Variants in CCR4 observed in about 807,000 individuals in gnomAD.
CCR4 encodes the protein C-C chemokine receptor type 4.
CCR4 carries 9 observed loss-of-function variants against 17.1 expected under a neutral mutation model. That is an observed-to-expected ratio of 0.53 (90% CI 0.32 to 0.92). The LOEUF (loss-of-function observed/expected upper bound fraction) is 0.92. Ranked by LOEUF, CCR4 falls within the 40% of genes least tolerant of loss-of-function variation. The probability of loss-of-function intolerance (pLI) is 0.04; values close to 1 mark genes in which losing one functional copy is unlikely to be tolerated. For synonymous variants in CCR4, 217 were observed against 174.3 expected, an observed-to-expected ratio of 1.24 and a Z score of -1.93; for missense variants, 385 against 433.9, an observed-to-expected ratio of 0.89 and a Z score of 1.00.
intron 1 of CCR4, among the ~76,000 whole-genome samples, chr3:32,952,440 G>T (rs571820823): frequency 6.6e-6 from 1 of 152,172 alleles, no homozygotes; most frequent in African/African-American, 2.4e-5. Flanking sequence ...ACAATTTTTT[G>T]TAGAGACAGG....
intron 1 of CCR4, among the ~76,000 whole-genome samples, chr3:32,952,175 G>A (rs1273133111): frequency 6.6e-6 from 1 of 152,174 alleles, no homozygotes; most frequent in Non-Finnish European, 1.5e-5. Context: ...ACTCTGTGAT[G>A]TAACAGGTGT....
chr3:32,953,790 G>A lies in CCR4; in HGVS notation c.368G>A (p.Ser123Asn). ...ISWMYLVGFY[S>N]GIFFVMLMSI... ...TGGATGTACTTGGTGGGCTTTTACA[G>A]TGGCATATTCTTTGTCATGCTCATG... The change falls in exon 2 of 2, where the codon AGT (serine) becomes AAT (asparagine). Residue 123 changes from serine to asparagine, a missense_variant. Coordinates refer to ENST00000330953, the MANE Select transcript of CCR4 (RefSeq NM_005508.5). 1 of 1,614,112 alleles carries A rather than the reference G, an allele frequency of 6.2e-7. No individual in the cohort carries two copies. Among genetic ancestry groups the A allele is most frequent in the Non-Finnish European group, 8.5e-7 (1 of 1,180,032 alleles).
rs773249231 is a variant in CCR4, at chr3:32,954,133, G to C, written c.711G>C (p.Lys237Asn). The C allele has an allele frequency of 1.6e-5, 26 of 1,614,130 alleles. No homozygotes were observed. The highest frequency in any genetic ancestry group is 4.4e-5 in the South Asian group (4 of 91,064). Residue 237 changes from lysine to asparagine, a missense_variant, in exon 2 of 2, where the codon AAG (lysine) becomes AAC (asparagine). By Grantham distance (94) the Lys-to-Asn change is moderately conservative. Transcript: ENST00000330953. ...TGCAGCATTGTAAAAATGAGAAGAA[G>C]AACAAGGCGGTGAAGATGATCTTTG... ...RTLQHCKNEK[K>N]NKAVKMIFAV...
chr3:32,953,597 G>A lies in CCR4; in HGVS notation c.175G>A (p.Val59Met). ...VFVFGLLGNS[V>M]VVLVLFKYKR... is the part of the protein sequence containing the mutation. The stretch of plus-strand genomic sequence containing the variant: ...TGTATTTGGTCTGCTTGGAAATTCT[G>A]TGGTGGTTCTGGTCCTGTTCAAATA... The change falls in exon 2 of 2, where the codon GTG becomes ATG. Residue 59 changes from valine to methionine, a missense_variant. By Grantham distance (21) the Val-to-Met change is conservative. Coordinates refer to ENST00000330953, the MANE Select transcript of CCR4 (RefSeq NM_005508.5). The A allele has an allele frequency of 6.2e-7, 1 of 1,614,072 alleles. No homozygotes were observed.
In CCR4 at chr3:32,953,753, A is replaced by C; in HGVS notation, c.331A>C (p.Lys111Gln). 2.5e-6 allele frequency: 4 copies of C among 1,614,128 alleles called. No homozygotes were observed. Among genetic ancestry groups the C allele is most frequent in the Non-Finnish European group, 2.5e-6 (3 of 1,180,026 alleles). The change falls in exon 2 of 2, where the codon AAG becomes CAG. Residue 111 changes from lysine (K) to glutamine (Q), a missense_variant. Lys to Gln is a moderately conservative substitution (Grantham distance 53). Transcript: ENST00000330953. ...DQWVFGLGLC[K>Q]MISWMYLVGF... is the part of the protein sequence containing the mutation. ...GTGGGTTTTTGGGCTAGGTCTGTGC[A>C]AGATGATTTCCTGGATGTACTTGGT...
chr3:32,954,640 A>C lies in CCR4; in HGVS notation c.*135A>C. 4.6e-5 allele frequency: 46 copies of C among 991,008 alleles called. No homozygotes were observed. Among genetic ancestry groups the C allele is most frequent in the Admixed American group, 1.4e-4 (4 of 28,088 alleles). The allele number at this position is 991,008 out of a possible 1,614,324, so 61.4% of individuals were successfully genotyped here. A position where few individuals can be genotyped will look rare whatever the true frequency, so the allele number is the denominator to read the frequency against. ...ACCCACAGTGGAAAGACAGCTTCTCATCCTGCAGGCAGCTTTTTCTCTCCC... is the reference window on the plus strand; with the variant it reads ...ACCCACAGTGGAAAGACAGCTTCTCCTCCTGCAGGCAGCTTTTTCTCTCCC... On this transcript the variant is annotated 3_prime_UTR_variant, in exon 2 of 2. Transcript: ENST00000330953.
At position 32,955,664 on chromosome 3, in the gene CCR4, C is replaced by T. The variant is rs535811371; in HGVS notation, c.*1159C>T. ...TTGCTCTGTCACCCAGTCTGGAGTG[C>T]AGTGGCGCGATCTCGGCTCACTGCA... On this transcript the variant is annotated 3_prime_UTR_variant, in exon 2 of 2. Coordinates refer to ENST00000330953, the MANE Select transcript of CCR4 (RefSeq NM_005508.5). The T allele has an allele frequency of 1.6e-5, 2 of 127,470 alleles. No individual in the cohort carries two copies. The highest frequency in any genetic ancestry group is 3.2e-5 in the Non-Finnish European group (2 of 61,584). The allele number at this position is 127,470 out of a possible 1,614,324, so 7.9% of individuals were successfully genotyped here. A position where few individuals can be genotyped will look rare whatever the true frequency, so the allele number is the denominator to read the frequency against.
intron 1 of CCR4, among the ~76,000 whole-genome samples, chr3:32,952,324 T>C (rs1688726558): frequency 6.6e-6 from 1 of 152,168 alleles, no homozygotes; most frequent in South Asian, 2.1e-4. Context: ...GGTGCCATCA[T>C]AGCTCACTGC....
At position 32,953,840 on chromosome 3, in the gene CCR4, G is replaced by T. The variant is rs769886325; in HGVS notation, c.418G>T (p.Val140Leu). Reference sequence around the variant, plus strand: ...GAGCATTGATAGATACCTGGCAATTGTGCACGCGGTGTTTTCCTTGAGGGC... The same window carrying T: ...GAGCATTGATAGATACCTGGCAATTTTGCACGCGGTGTTTTCCTTGAGGGC... ...LMSIDRYLAI[V>L]HAVFSLRART... The change falls in exon 2 of 2, where the codon GTG becomes TTG. Residue 140 changes from valine to leucine, a missense_variant. Coordinates refer to ENST00000330953, the MANE Select transcript of CCR4 (RefSeq NM_005508.5). The T allele has an allele frequency of 2.5e-6, 4 of 1,614,092 alleles. No homozygotes were observed. In the South Asian group the frequency reaches 4.4e-5, roughly 18 times the overall value.
Position 32,953,893 on chromosome 3 carries a change from C to T in CCR4, c.471C>T (p.Thr157=). Residue 157 remains threonine, a synonymous_variant, in exon 2 of 2, where the codon ACC becomes ACT. Coordinates refer to ENST00000330953, the MANE Select transcript of CCR4 (RefSeq NM_005508.5). ...GGACCTTGACTTATGGGGTCATCACCAGTTTGGCTACATGGTCAGTGGCTG... is the reference window on the plus strand; with the variant it reads ...GGACCTTGACTTATGGGGTCATCACTAGTTTGGCTACATGGTCAGTGGCTG... The part of the protein sequence containing the change: ...RARTLTYGVI[T]SLATWSVAVF... 4 of 1,614,070 alleles carry T rather than the reference C, an allele frequency of 2.5e-6. No homozygotes were observed. Among genetic ancestry groups the T allele is most frequent in the Non-Finnish European group, 3.4e-6 (4 of 1,180,028 alleles).
chr3:32,953,550 C>T lies in CCR4; in HGVS notation c.128C>T (p.Pro43Leu). The stretch of plus-strand genomic sequence containing the variant: ...AAGGCATTTGGGGAGCTCTTCCTGC[C>T]CCCACTGTATTCCTTGGTTTTTGTA... ...GIKAFGELFL[P>L]PLYSLVFVFG... is the part of the protein sequence containing the mutation. Residue 43 changes from proline to leucine, a missense_variant, in exon 2 of 2, where the codon CCC (proline) becomes CTC (leucine). Physicochemically the swap from Pro to Leu is moderately conservative, Grantham distance 98 (BLOSUM62 -3). Coordinates refer to ENST00000330953, the MANE Select transcript of CCR4 (RefSeq NM_005508.5). 6.2e-7 allele frequency: 1 copy of T among 1,614,126 alleles called. No homozygotes were observed. The highest frequency in any genetic ancestry group is 8.5e-7 in the Non-Finnish European group (1 of 1,180,044).
Position 32,956,070 on chromosome 3 carries a change from G to A in CCR4, c.*1565G>A, listed in dbSNP as rs1056140242. On this transcript the variant is annotated 3_prime_UTR_variant, in exon 2 of 2. Coordinates refer to ENST00000330953, the MANE Select transcript of CCR4 (RefSeq NM_005508.5). ...CTCAAGCAGCTGGGATTAGAGGTGTGCACCACTACGCCAGGCTAATTTTTG... is the reference window on the plus strand; with the variant it reads ...CTCAAGCAGCTGGGATTAGAGGTGTACACCACTACGCCAGGCTAATTTTTG... 8 of 164,410 alleles carry A rather than the reference G, an allele frequency of 4.9e-5. No individual in the cohort carries two copies. Among genetic ancestry groups the A allele is most frequent in the Non-Finnish European group, 1.0e-4 (7 of 68,162 alleles). 10.2% of individuals were successfully genotyped at this position (164,410 alleles called of 1,614,324 possible). A position where few individuals can be genotyped will look rare whatever the true frequency, so the allele number is the denominator to read the frequency against.
chr3:32,953,260 A>C, intron 1 of CCR4, 112 bp from the exon 2 acceptor site: 1 of 689,064 alleles, frequency 1.5e-6, no homozygotes, highest in Non-Finnish European at 2.2e-6. Context: ...TCATCTTGGG[A>C]AAGGCATATA....
chr3:32,952,048 CT>C (rs1459786766), intron 1 of CCR4, among the ~76,000 whole-genome samples: 1 of 150,758 alleles, frequency 6.6e-6, no homozygotes, highest in Non-Finnish European at 1.5e-5. Context: ...TGTCTCCTGG[CT>C]TTTTGTTCTC....
At position 32,955,552 on chromosome 3, in the gene CCR4, AAAATT is replaced by A. The variant is rs1695709010; in HGVS notation, c.*1052_*1056del. 1 of 165,188 alleles carries A rather than the reference AAAATT, an allele frequency of 6.1e-6. No homozygotes were observed. Among genetic ancestry groups the A allele is most frequent in the African/African-American group, 2.4e-5 (1 of 41,228 alleles). The allele number at this position is 165,188 out of a possible 1,614,324, so 10.2% of individuals were successfully genotyped here. A position where few individuals can be genotyped will look rare whatever the true frequency, so the allele number is the denominator to read the frequency against. The stretch of plus-strand genomic sequence containing the variant: ...AACTCTGTCTCAAAAAAAAAAAAAA[AAAATT>A]AAATAATACATAGGCCAAGAATACA... On this transcript the variant is annotated 3_prime_UTR_variant, in exon 2 of 2. Coordinates refer to ENST00000330953, the MANE Select transcript of CCR4 (RefSeq NM_005508.5).
At position 32,953,377 on chromosome 3, in the gene CCR4, T is replaced by G. The variant is rs778077996; in HGVS notation, c.-46T>G. Reference sequence around the variant, plus strand: ...TTTGCTCTTCCCCTCATTAGCTGCTTCTGGTTGGGCCCAGACCTGCCTTGA... The same window carrying G: ...TTTGCTCTTCCCCTCATTAGCTGCTGCTGGTTGGGCCCAGACCTGCCTTGA... On this transcript the variant is annotated 5_prime_UTR_variant, in exon 2 of 2. Transcript: ENST00000330953. 24 of 1,531,216 alleles carry G rather than the reference T, an allele frequency of 1.6e-5. No individual in the cohort carries two copies. The highest frequency in any genetic ancestry group is 4.2e-5 in the Admixed American group (2 of 47,256). The allele number at this position is 1,531,216 out of a possible 1,614,324, so 94.9% of individuals were successfully genotyped here.
In CCR4 at chr3:32,953,647, TGTG is replaced by T. The variant is rs746572754; in HGVS notation, c.226_228del (p.Val76del). The T allele has an allele frequency of 2.5e-6, 4 of 1,614,000 alleles. No homozygotes were observed. In the African/African-American group the frequency reaches 5.3e-5, roughly 22 times the overall value. On this transcript the variant is annotated inframe_deletion, in exon 2 of 2. Coordinates refer to ENST00000330953, the MANE Select transcript of CCR4 (RefSeq NM_005508.5). ...ACAAGCGGCTCAGGTCCATGACTGA[TGTG>T]TACCTGCTCAACCTTGCCATCTCGG...
rs767703983 is a variant in CCR4 at position 32,953,465 on chromosome 3, A to G, written c.43A>G (p.Ile15Val). The G allele has an allele frequency of 3.0e-5, 48 of 1,613,838 alleles. No individual in the cohort carries two copies. In the East Asian group the frequency reaches 9.1e-4, roughly 31 times the overall value. ...DIADTTLDESIYSNYYLYESI... is the reference protein window; with the variant it reads ...DIADTTLDESVYSNYYLYESI... Reference sequence around the variant, plus strand: ...AGCAGACACCACCCTCGATGAAAGCATATACAGCAATTACTATCTGTATGA... The same window carrying G: ...AGCAGACACCACCCTCGATGAAAGCGTATACAGCAATTACTATCTGTATGA... Residue 15 changes from isoleucine to valine, a missense_variant, in exon 2 of 2, where the codon ATA becomes GTA. By Grantham distance (29) the Ile-to-Val change is conservative. Coordinates refer to ENST00000330953, the MANE Select transcript of CCR4 (RefSeq NM_005508.5).
At position 32,954,100 on chromosome 3, in the gene CCR4, C is replaced by A. The variant is rs1194966098; in HGVS notation, c.678C>A (p.Ile226=). Residue 226 remains isoleucine, a synonymous_variant, in exon 2 of 2, where the codon ATC becomes ATA. Transcript: ENST00000330953. ...GIMLFCYSMI[I]RTLQHCKNEK... ...TGCTGTTTTGCTACTCCATGATCAT[C>A]AGGACCTTGCAGCATTGTAAAAATG... The A allele has an allele frequency of 6.2e-7, 1 of 1,614,158 alleles. No individual in the cohort carries two copies. Among genetic ancestry groups the A allele is most frequent in the Non-Finnish European group, 8.5e-7 (1 of 1,180,006 alleles).
Sources: gnomAD v4.1 joint callset for allele counts (sites outside exome capture counted in the v4.1 genomes callset) on GRCh38, gnomAD v4.1.1 for gene constraint, MANE v1.5 for transcripts, NCBI Gene and HGNC (gene_info 2026-07-23, HGNC 2026-07-21) for gene names.